The following NOMO2 variants were observed in gnomAD, a reference collection of about 807,000 sequenced individuals.
NOMO2 encodes NODAL modulator 2, also known as BOS complex subunit NOMO2.
In NOMO2, 14 loss-of-function variants were observed where a neutral mutation model predicts 67.1. That is an observed-to-expected ratio of 0.21 (90% CI 0.14 to 0.33). NOMO2 has a LOEUF of 0.33. Ranked by LOEUF, NOMO2 falls within the 10% of genes least tolerant of loss-of-function variation. The probability of loss-of-function intolerance (pLI) is 1.00; values close to 1 mark genes in which losing one functional copy is unlikely to be tolerated. For missense variants in NOMO2, 178 were observed against 761.0 expected (o/e 0.23, Z 9.01); for synonymous variants, 80 against 305.9 (o/e 0.26, Z 7.71).
At position 18,561,194 on chromosome 16, in the gene NOMO2, A is replaced by AC. The variant is rs1555467955; in HGVS notation, c.165+681_165+682insG. On this transcript the variant is annotated intron_variant, in intron 1 of 30. Coordinates refer to ENST00000622306, the MANE Select transcript of NOMO2 (RefSeq NM_173614.4). ...TAATTAAAAAAAAAAAAAAAAAAAAAAAAAAAAAAAAAACCTTTACAAATC... is the reference window on the plus strand; with the variant it reads ...TAATTAAAAAAAAAAAAAAAAAAAAACAAAAAAAAAAAAACCTTTACAAATC... Among the ~76,000 whole-genome samples, 573 of 137,172 alleles carry AC rather than the reference A, an allele frequency of 4.2e-3. 12 individuals carry two copies. Among genetic ancestry groups the AC allele is most frequent in the African/African-American group, 0.014 (524 of 37,706 alleles). The allele number at this position is 137,172 out of a possible 152,430, so 90.0% of individuals were successfully genotyped here.
At position 18,559,765 on chromosome 16, in the gene NOMO2, C is replaced by T. The variant is rs1332461982; in HGVS notation, c.166-1974G>A. On this transcript the variant is annotated intron_variant, in intron 1 of 30. Transcript: ENST00000622306. The stretch of plus-strand genomic sequence containing the variant: ...ATTCAGATCACTACAAAACCCAAGC[C>T]AAGGGTGGCAGCCTAAAGATCGGCT... Among the ~76,000 whole-genome samples the T allele has an allele frequency of 7.2e-5, 11 of 152,116 alleles. 1 individual carries two copies. In the East Asian group the frequency reaches 2.1e-3, roughly 30 times the overall value.
chr16:18,550,159 T>A (rs1157581202), intron 4 of NOMO2, among the ~76,000 whole-genome samples: 5 of 8,970 alleles, frequency 5.6e-4, no homozygotes, highest in South Asian at 7.2e-3. Context: ...GACTCCATCT[T>A]AAAAAAAAAA....
At chr16:18,546,278 CAAAAAAAAAAAA>C (rs71388802) in intron 6 of NOMO2, among the ~76,000 whole-genome samples, 2 of 17,944 alleles carry the variant, frequency 1.1e-4, no homozygotes, top group African/African-American at 2.0e-4. Flanking sequence ...GACCCTGTTG[CAAAAAAAAAAAA>C]AAAAAAAAAA....
intron 15 of NOMO2, among the ~76,000 whole-genome samples, chr16:18,528,821 A>G (rs897057942): frequency 2.0e-5 from 3 of 150,828 alleles, no homozygotes; most frequent in South Asian, 2.1e-4. Context: ...AGAAAAAAAA[A>G]GCTGAGCATG....
chr16:18,543,215 G>A (rs1233411705), intron 7 of NOMO2, among the ~76,000 whole-genome samples: 2 of 143,162 alleles, frequency 1.4e-5, no homozygotes. Flanking sequence ...GTCTCACTCT[G>A]TCACCCAGGC....
intron 11 of NOMO2, among the ~76,000 whole-genome samples, chr16:18,537,034 C>T (rs985363100): frequency 1.3e-5 from 2 of 151,926 alleles, no homozygotes; most frequent in African/African-American, 4.8e-5. Flanking sequence ...CTCCCTAGGT[C>T]CCCCCTGGGC....
rs756246897 is a variant in NOMO2, at chr16:18,561,173, T to TAAAAAAAAAAAAA, written c.165+690_165+702dup. On this transcript the variant is annotated intron_variant, in intron 1 of 30. Coordinates refer to ENST00000622306, the MANE Select transcript of NOMO2 (RefSeq NM_173614.4). Reference sequence around the variant, plus strand: ...ATTTAACAGGACTTTACAACTTAATTAAAAAAAAAAAAAAAAAAAAAAAAA... The same window carrying TAAAAAAAAAAAAA: ...ATTTAACAGGACTTTACAACTTAATTAAAAAAAAAAAAAAAAAAAAAAAAAAAAAAAAAAAAAA... Among the ~76,000 whole-genome samples, 20 of 32,448 alleles carry TAAAAAAAAAAAAA rather than the reference T, an allele frequency of 6.2e-4. 1 individual carries two copies. Among genetic ancestry groups the TAAAAAAAAAAAAA allele is most frequent in the African/African-American group, 1.1e-3 (9 of 8,116 alleles). The allele number at this position is 32,448 out of a possible 152,430, so 21.3% of individuals were successfully genotyped here.
chr16:18,526,079 T>G lies in NOMO2; in HGVS notation c.1894+1458A>C, dbSNP rs1034416346. 3.3e-5 allele frequency among the ~76,000 whole-genome samples: 5 copies of G among 151,732 alleles called. 1 individual carries two copies. Among genetic ancestry groups the G allele is most frequent in the African/African-American group, 1.2e-4 (5 of 41,336 alleles). ...CTGACACCCAGAAGGACAGAGTGGC[T>G]GGAGTAGAGACAGTGGCAGACAGGG... is the stretch of plus-strand genomic sequence containing the variant. On this transcript the variant is annotated intron_variant, in intron 16 of 30. Coordinates refer to ENST00000622306, the MANE Select transcript of NOMO2 (RefSeq NM_173614.4).
At chr16:18,544,666 A>G (rs530455140) in intron 6 of NOMO2, among the ~76,000 whole-genome samples, 2,885 of 148,006 alleles carry the variant, frequency 0.019, 44 homozygotes, top group African/African-American at 0.053. Context: ...TGCCACAGTC[A>G]CTGTAAACCT....
chr16:18,543,532 C>T (rs1901594234), intron 7 of NOMO2, 85 bp downstream of exon 7: 2 of 1,600,490 alleles, frequency 1.2e-6, no homozygotes, highest in Non-Finnish European at 1.7e-6. Flanking sequence ...CTCAGACCTG[C>T]ATTTTTTAAA....
intron 1 of NOMO2, among the ~76,000 whole-genome samples, chr16:18,561,472 G>A (rs1316797987): frequency 6.7e-6 from 1 of 148,662 alleles, no homozygotes; most frequent in East Asian, 2.1e-4. Flanking sequence ...TAAGACATGT[G>A]GTCTCTAGGT....
chr16:18,524,415 GT>G (rs1901097896), intron 17 of NOMO2, 73 bp downstream of exon 17: 2 of 955,888 alleles, frequency 2.1e-6, no homozygotes, highest in Non-Finnish European at 3.2e-6. Flanking sequence ...AACTCCTTTT[GT>G]TCTCTGAAGT....
intron 1 of NOMO2, among the ~76,000 whole-genome samples, chr16:18,558,082 C>T (rs1213563403): frequency 1.3e-5 from 2 of 150,282 alleles, no homozygotes; most frequent in Admixed American, 6.8e-5. Flanking sequence ...TGTAAGTTTC[C>T]GGGTCTAAAA....
At chr16:18,526,103 G>A (rs1188840418) in intron 16 of NOMO2, among the ~76,000 whole-genome samples, 3 of 151,684 alleles carry the variant, frequency 2.0e-5, no homozygotes, top group East Asian at 1.9e-4. Flanking sequence ...TGGCAGACAG[G>A]GCTGGGTTAC....
intron 9 of NOMO2, among the ~76,000 whole-genome samples, chr16:18,539,455 G>T (rs1297851565): frequency 6.6e-6 from 1 of 151,436 alleles, no homozygotes; most frequent in Non-Finnish European, 1.5e-5. Flanking sequence ...CTGAACACAG[G>T]TCCTTATGAA....
intron 1 of NOMO2, among the ~76,000 whole-genome samples, chr16:18,560,258 C>G (rs1902007696): frequency 6.6e-6 from 1 of 151,728 alleles, no homozygotes; most frequent in Non-Finnish European, 1.5e-5. Flanking sequence ...GTGTCCCACA[C>G]CATCTGGACA....
intron 11 of NOMO2, among the ~76,000 whole-genome samples, chr16:18,534,476 GAGACCGT>G (rs1901375723): frequency 7.5e-6 from 1 of 132,804 alleles, no homozygotes; most frequent in Non-Finnish European, 1.6e-5. Context: ...TGTTGTCCTA[GAGACCGT>G]ATGGCTCACG....
At chr16:18,528,080 G>A in intron 15 of NOMO2, 1 of 460,522 alleles carries the variant, frequency 2.2e-6, no homozygotes, top group Non-Finnish European at 4.3e-6. Context: ...GCCTGAATGA[G>A]GAGGAAAAAC....
chr16:18,560,008 T>C (rs1038382738), intron 1 of NOMO2, among the ~76,000 whole-genome samples: 3 of 151,680 alleles, frequency 2.0e-5, no homozygotes, highest in East Asian at 2.0e-4. Flanking sequence ...GCTCAGTAAA[T>C]AGTTGTTGAC....
Sources: gnomAD v4.1 joint callset for allele counts (sites outside exome capture counted in the v4.1 genomes callset) on GRCh38, gnomAD v4.1.1 for gene constraint, MANE v1.5 for transcripts, NCBI Gene and HGNC (gene_info 2026-07-23, HGNC 2026-07-21) for gene names.